TBL1X: variants seen among roughly 807,000 people sequenced by gnomAD.
The protein encoded by TBL1X is transducin beta like 1 X-linked.
In TBL1X, 10 loss-of-function variants were observed where a neutral mutation model predicts 50.7. The observed-to-expected ratio is 0.20, with a 90% CI of 0.12 to 0.33. TBL1X has a LOEUF of 0.33. TBL1X is among the 10% of genes least tolerant of loss of function. The pLI, the probability that TBL1X is intolerant of heterozygous loss-of-function variation, is 1.00. For synonymous variants in TBL1X, 190 were observed against 214.7 expected (o/e 0.88, Z 1.01); for missense variants, 340 against 504.4 (o/e 0.67, Z 3.12).
chrX:9,585,328 A>ACC (rs1262756915), intron 2 of TBL1X, among the ~76,000 whole-genome samples: 60 of 54,606 alleles, frequency 1.1e-3, no homozygotes, highest in Non-Finnish European at 1.2e-3. Context: ...GCTCCATGCC[A>ACC]CCCCCCTCCC....
intron 5 of TBL1X, among the ~76,000 whole-genome samples, chrX:9,667,256 G>A (rs1004511761): frequency 1.8e-5 from 2 of 111,532 alleles, no homozygotes; most frequent in African/African-American, 3.3e-5. Context: ...GCGAGACTCC[G>A]TTCCCCCCTA....
At chrX:9,603,076 G>A (rs2082564895) in intron 2 of TBL1X, among the ~76,000 whole-genome samples, 1 of 112,360 alleles carries the variant, frequency 8.9e-6, no homozygotes, top group Non-Finnish European at 1.9e-5. Context: ...CTGGCTCTTG[G>A]ATTCAAGCTT....
chrX:9,628,572 A>G (rs2082704678), intron 2 of TBL1X, among the ~76,000 whole-genome samples: 1 of 101,697 alleles, frequency 9.8e-6, no homozygotes, highest in Non-Finnish European at 2.0e-5. Context: ...TTTGAGACGG[A>G]GTCTTGCTCT....
At chrX:9,604,853 G>T (rs892984111) in intron 2 of TBL1X, among the ~76,000 whole-genome samples, 1 of 110,850 alleles carries the variant, frequency 9.0e-6, no homozygotes, top group African/African-American at 3.3e-5. Flanking sequence ...TTCACCCTTG[G>T]ATTTTCTGTG....
At chrX:9,616,524 G>A (rs5979135) in intron 2 of TBL1X, among the ~76,000 whole-genome samples, 36,117 of 110,631 alleles carry the variant, frequency 0.33, 5,102 homozygotes, top group East Asian at 0.7. Flanking sequence ...GCATGAACTC[G>A]CTTAAAACTA....
chrX:9,617,896 C>T (rs1340155642), intron 2 of TBL1X, among the ~76,000 whole-genome samples: 1 of 111,829 alleles, frequency 8.9e-6, no homozygotes, highest in East Asian at 2.8e-4. Flanking sequence ...CGCTCAGCCT[C>T]TGCACTGTGG....
At position 9,585,226 on chromosome X, in the gene TBL1X, A is replaced by G. The variant is rs1229022919; in HGVS notation, c.-130-55047A>G. On this transcript the variant is annotated intron_variant, in intron 2 of 17. Transcript: ENST00000645353. The stretch of plus-strand genomic sequence containing the variant: ...GCACTTCTTACCTCATTCATTCATC[A>G]CCAGAGACAGACAGTTCCCAGGCCA... Among the ~76,000 whole-genome samples the G allele has an allele frequency of 2.7e-5, 3 of 110,520 alleles. No homozygotes were observed. In the South Asian group the frequency reaches 1.2e-3, roughly 43 times the overall value.
chrX:9,513,301 C>A lies in TBL1X; in HGVS notation c.-131+11452C>A, dbSNP rs1421711520. On this transcript the variant is annotated intron_variant, in intron 2 of 17. Transcript: ENST00000645353. ...GAGTTTTCACTGAACTTAGACTCTACTGACGAGTATAGTCAAGCAGAAATT... is the reference window on the plus strand; with the variant it reads ...GAGTTTTCACTGAACTTAGACTCTAATGACGAGTATAGTCAAGCAGAAATT... Among the ~76,000 whole-genome samples, 3 of 110,939 alleles carry A rather than the reference C, an allele frequency of 2.7e-5. No individual in the cohort carries two copies. The Admixed American group carries it at 2.9e-4, about 11-fold the overall frequency.
intron 1 of TBL1X, among the ~76,000 whole-genome samples, chrX:9,469,475 T>G (rs1301822883): frequency 8.9e-6 from 1 of 112,662 alleles, no homozygotes; most frequent in Non-Finnish European, 1.9e-5. Flanking sequence ...CCTAACATGC[T>G]TATAGTTTCC....
chrX:9,704,029 A>G (rs1196282739), intron 12 of TBL1X, among the ~76,000 whole-genome samples: 1 of 111,650 alleles, frequency 9.0e-6, no homozygotes, highest in African/African-American at 3.3e-5. Context: ...CCTAGAAAAT[A>G]AATCAGAAGG....
chrX:9,608,150 CT>C (rs2082593466), intron 2 of TBL1X, among the ~76,000 whole-genome samples: 1 of 110,434 alleles, frequency 9.1e-6, no homozygotes, highest in Non-Finnish European at 1.9e-5. Context: ...CATGATTGGA[CT>C]GGGGTGGTAG....
intron 2 of TBL1X, among the ~76,000 whole-genome samples, chrX:9,592,289 G>A (rs1395227841): frequency 2.7e-5 from 3 of 111,798 alleles, no homozygotes; most frequent in Non-Finnish European, 3.8e-5. Flanking sequence ...TAAAGAAGCA[G>A]CATCATGTCA....
intron 2 of TBL1X, among the ~76,000 whole-genome samples, chrX:9,612,869 A>G (rs1276427358): frequency 4.5e-5 from 5 of 111,631 alleles, no homozygotes; most frequent in Non-Finnish European, 9.4e-5. Flanking sequence ...AATTTTAAAA[A>G]CTGAATTAAA....
intron 17 of TBL1X, among the ~76,000 whole-genome samples, chrX:9,715,330 G>T (rs1240699250): frequency 8.9e-6 from 1 of 111,964 alleles, no homozygotes; most frequent in Admixed American, 9.4e-5. Flanking sequence ...TGACGGGAAC[G>T]TTTTGGGAAA....
At chrX:9,685,430 A>G (rs111519545) in intron 6 of TBL1X, among the ~76,000 whole-genome samples, 1 of 110,763 alleles carries the variant, frequency 9.0e-6, no homozygotes, top group East Asian at 2.9e-4. Context: ...CACTGGGACC[A>G]CAGACAGTCC....
chrX:9,588,704 A>G (rs751638474), intron 2 of TBL1X, among the ~76,000 whole-genome samples: 1 of 109,362 alleles, frequency 9.1e-6, no homozygotes, highest in Non-Finnish European at 1.9e-5. Context: ...TCCAGGTTCA[A>G]GCATTCTCCT....
chrX:9,659,592 A>G (rs1004735650), intron 5 of TBL1X, among the ~76,000 whole-genome samples: 2 of 112,415 alleles, frequency 1.8e-5, no homozygotes, highest in Admixed American at 1.9e-4. Flanking sequence ...GGTCATTTGT[A>G]TGAACGCAGG....
At chrX:9,689,978 G>A (rs964167453) in intron 7 of TBL1X, among the ~76,000 whole-genome samples, 5 of 112,213 alleles carry the variant, frequency 4.5e-5, no homozygotes, top group East Asian at 5.6e-4. Flanking sequence ...TCAGTGACAC[G>A]TAACCTAAGA....
rs1023451541 is a variant in TBL1X at position 9,691,519 on chromosome X, C to G, written c.617-60C>G. The stretch of plus-strand genomic sequence containing the variant: ...AAATGTTTCTGGAAACAAAAGAGCC[C>G]TTTAAGTGTGTTTCTCTTGTATTGG... On this transcript the variant is annotated intron_variant, in intron 7 of 17. Coordinates refer to ENST00000645353, the MANE Select transcript of TBL1X (RefSeq NM_005647.4). 50 of 1,166,512 alleles carry G rather than the reference C, an allele frequency of 4.3e-5. No homozygotes were observed. The African/African-American group carries it at 5.0e-4, about 12-fold the overall frequency.
Sources: gnomAD v4.1 joint callset for allele counts (sites outside exome capture counted in the v4.1 genomes callset) on GRCh38, gnomAD v4.1.1 for gene constraint, MANE v1.5 for transcripts, NCBI Gene and HGNC (gene_info 2026-07-23, HGNC 2026-07-21) for gene names.